The following CSMD3 variants were observed in gnomAD, a reference collection of about 807,000 sequenced individuals.
CSMD3 encodes CUB and Sushi multiple domains 3.
In CSMD3, 177 loss-of-function variants were observed where a neutral mutation model predicts 435.2. The observed-to-expected ratio is 0.41, with a 90% confidence interval of 0.36 to 0.46. CSMD3 has a LOEUF of 0.46. Among genes scored for constraint, CSMD3 ranks in the 20% least tolerant of loss-of-function variants. The pLI, the probability that CSMD3 is intolerant of heterozygous loss-of-function variation, is 0.34. For synonymous variants in CSMD3, 1,656 were observed against 1,520.5 expected, an observed-to-expected ratio of 1.09 and a Z score of -2.07; for missense variants, 4,265 against 4,504.6, an observed-to-expected ratio of 0.95 and a Z score of 1.52.
chr8:113,109,586 A>G (rs142147562), intron 4 of CSMD3, among the ~76,000 whole-genome samples: 1 of 152,192 alleles, frequency 6.6e-6, no homozygotes, highest in African/African-American at 2.4e-5. Flanking sequence ...CTTTGGCTCA[A>G]TGTTTACCCT....
intron 25 of CSMD3, among the ~76,000 whole-genome samples, chr8:112,552,979 T>C (rs2131204745): frequency 6.6e-6 from 1 of 152,224 alleles, no homozygotes; most frequent in Admixed American, 6.5e-5. Context: ...TCAAAACCTC[T>C]GAGTTAGGAT....
chr8:112,886,365 T>G (rs1431346709), intron 10 of CSMD3, among the ~76,000 whole-genome samples: 1 of 151,568 alleles, frequency 6.6e-6, no homozygotes, highest in Non-Finnish European at 1.5e-5. Flanking sequence ...TTTTTTCTTT[T>G]TCTGAAAAGA....
At chr8:112,870,851 A>G (rs1194822572) in intron 10 of CSMD3, among the ~76,000 whole-genome samples, 1 of 152,046 alleles carries the variant, frequency 6.6e-6, no homozygotes, top group Non-Finnish European at 1.5e-5. Context: ...CTAGCAGATA[A>G]ATCTGGTTTT....
In CSMD3 at chr8:112,645,158, A is replaced by G; in HGVS notation, c.3261T>C (p.Tyr1087=). Reference sequence around the variant, plus strand: ...TCCATGTACAATTCAGAGAATTTGGATAAAATTCCGGGTAACCAGGTGATA... The same window carrying G: ...TCCATGTACAATTCAGAGAATTTGGGTAAAATTCCGGGTAACCAGGTGATA... ...TILSPGYPEF[Y]PNSLNCTWTV... Residue 1087 remains tyrosine, a synonymous_variant, in exon 20 of 71, where the codon TAT becomes TAC. Transcript: ENST00000297405. 6.2e-7 allele frequency: 1 copy of G among 1,609,096 alleles called. No homozygotes were observed. The highest frequency in any genetic ancestry group is 8.5e-7 in the Non-Finnish European group (1 of 1,175,528).
At chr8:112,970,079 C>A (rs2084587483) in intron 7 of CSMD3, among the ~76,000 whole-genome samples, 1 of 151,900 alleles carries the variant, frequency 6.6e-6, no homozygotes, top group South Asian at 2.1e-4. Context: ...CCATAATTTT[C>A]TCCACAAAAT....
chr8:112,522,619 T>A (rs186341012), intron 27 of CSMD3, among the ~76,000 whole-genome samples: 1 of 151,934 alleles, frequency 6.6e-6, no homozygotes, highest in Non-Finnish European at 1.5e-5. Context: ...TTTCAGTGTA[T>A]GCTGAAGGTT....
chr8:113,030,364 C>T (rs2087043582), intron 5 of CSMD3, among the ~76,000 whole-genome samples: 1 of 139,774 alleles, frequency 7.2e-6, no homozygotes, highest in Non-Finnish European at 1.5e-5. Context: ...ATAACACTAC[C>T]TGATTTCAAA....
intron 20 of CSMD3, among the ~76,000 whole-genome samples, chr8:112,642,872 A>T (rs1412328261): frequency 6.6e-6 from 1 of 152,198 alleles, no homozygotes; most frequent in Admixed American, 6.5e-5. Flanking sequence ...ATTAACACAA[A>T]TACTGTCTTC....
Position 112,286,409 on chromosome 8 carries a change from T to G in CSMD3, c.9331+655A>C, listed in dbSNP as rs186291075. ...TGATGAAATATCATGTCGTCCCACATGGAAAGTGAATCATCCCTTGTCCAG... is the reference window on the plus strand; with the variant it reads ...TGATGAAATATCATGTCGTCCCACAGGGAAAGTGAATCATCCCTTGTCCAG... On this transcript the variant is annotated intron_variant, in intron 58 of 70. Coordinates refer to ENST00000297405, the MANE Select transcript of CSMD3 (RefSeq NM_198123.2). 3.3e-3 allele frequency among the ~76,000 whole-genome samples: 500 copies of G among 152,228 alleles called. 3 individuals are homozygous for G. Among genetic ancestry groups the G allele is most frequent in the African/African-American group, 0.012 (486 of 41,570 alleles).
intron 8 of CSMD3, among the ~76,000 whole-genome samples, chr8:112,951,062 G>A (rs568365706): frequency 4.2e-4 from 64 of 151,922 alleles, no homozygotes; most frequent in Non-Finnish European, 7.4e-4. Context: ...TGTGTGGTAC[G>A]TGTATTTAAT....
At chr8:112,817,981 C>A (rs771826392) in intron 12 of CSMD3, among the ~76,000 whole-genome samples, 8 of 151,440 alleles carry the variant, frequency 5.3e-5, no homozygotes, top group Non-Finnish European at 8.8e-5. Flanking sequence ...AAAAAAATTT[C>A]TTTATACTTC....
At chr8:112,919,616 A>T (rs1263662453) in intron 10 of CSMD3, among the ~76,000 whole-genome samples, 1 of 151,682 alleles carries the variant, frequency 6.6e-6, no homozygotes, top group Admixed American at 6.6e-5. Context: ...CACATATCTA[A>T]TTTATGTGAC....
chr8:113,137,404 C>T (rs1367484021), intron 4 of CSMD3, among the ~76,000 whole-genome samples: 1 of 151,574 alleles, frequency 6.6e-6, no homozygotes, highest in African/African-American at 2.4e-5. Flanking sequence ...TCAGAATCTA[C>T]ATGTATTTTA....
At chr8:112,707,907 G>T (rs1273694947) in intron 13 of CSMD3, among the ~76,000 whole-genome samples, 1 of 152,008 alleles carries the variant, frequency 6.6e-6, no homozygotes, top group Non-Finnish European at 1.5e-5. Context: ...CAGATGTTTG[G>T]CCTTATTTAT....
At chr8:112,456,278 A>T (rs1029041357) in intron 32 of CSMD3, among the ~76,000 whole-genome samples, 2 of 152,142 alleles carry the variant, frequency 1.3e-5, no homozygotes. Context: ...TATAGCAGAA[A>T]TCAGCAAAAA....
intron 22 of CSMD3, among the ~76,000 whole-genome samples, chr8:112,605,523 G>C (rs1227796445): frequency 6.6e-6 from 1 of 151,916 alleles, no homozygotes; most frequent in Non-Finnish European, 1.5e-5. Flanking sequence ...AATTAATGCA[G>C]GAACAGAAAG....
intron 32 of CSMD3, among the ~76,000 whole-genome samples, chr8:112,450,280 T>G (rs770134322): frequency 6.6e-5 from 10 of 152,250 alleles, no homozygotes; most frequent in Non-Finnish European, 1.3e-4. Flanking sequence ...CTATCAAAGG[T>G]TAATATGATT....
chr8:112,401,364 G>A (rs149076628), intron 35 of CSMD3, among the ~76,000 whole-genome samples: 2 of 150,826 alleles, frequency 1.3e-5, no homozygotes, highest in East Asian at 2.0e-4. Context: ...TCTGTTTAAT[G>A]TGACAGATCA....
intron 13 of CSMD3, among the ~76,000 whole-genome samples, chr8:112,799,028 A>T (rs1249584716): frequency 2.0e-5 from 3 of 151,892 alleles, no homozygotes; most frequent in Non-Finnish European, 4.4e-5. Context: ...AGATAAATAC[A>T]TGTAACATAA....
Sources: gnomAD v4.1 joint callset for allele counts (sites outside exome capture counted in the v4.1 genomes callset) on GRCh38, gnomAD v4.1.1 for gene constraint, MANE v1.5 for transcripts, NCBI Gene and HGNC (gene_info 2026-07-23, HGNC 2026-07-21) for gene names.